Variants in ATRNL1 observed in about 807,000 individuals in gnomAD.
ATRNL1 encodes the protein attractin-like protein 1.
A neutral mutation model predicts 182.7 loss-of-function variants in ATRNL1; 95 were observed. The ratio of observed to expected loss-of-function variants is 0.52; its 90% CI spans 0.44 to 0.62. ATRNL1 has a LOEUF of 0.62. Ranked by LOEUF, ATRNL1 falls within the 20% of genes least tolerant of loss-of-function variation. The pLI is 0.00. For missense variants in ATRNL1, 1,471 were observed against 1,679.5 expected (o/e 0.88, Z 2.17); for synonymous variants, 576 against 568.3 (o/e 1.01, Z -0.19).
intron 27 of ATRNL1, among the ~76,000 whole-genome samples, chr10:115,836,819 A>T (rs1234853957): frequency 6.6e-6 from 1 of 152,198 alleles, no homozygotes; most frequent in African/African-American, 2.4e-5. Flanking sequence ...ACAACTGAGG[A>T]AACAACCAAG....
intron 27 of ATRNL1, among the ~76,000 whole-genome samples, chr10:115,835,968 G>A (rs782627515): frequency 3.0e-4 from 46 of 152,292 alleles, no homozygotes; most frequent in Admixed American, 5.9e-4. Flanking sequence ...CCCCCACACC[G>A]ATGTTGTTCC....
chr10:115,096,764 C>G, intron 1 of ATRNL1: 2 of 1,267,520 alleles, frequency 1.6e-6, no homozygotes, highest in Non-Finnish European at 2.0e-6. Context: ...GTTCTCTTAG[C>G]ATTGATTCCA....
intron 24 of ATRNL1, among the ~76,000 whole-genome samples, chr10:115,486,326 C>T (rs1849020575): frequency 2.0e-5 from 3 of 152,150 alleles, no homozygotes; most frequent in African/African-American, 4.8e-5. Context: ...ACCACACTGT[C>T]TTCCACAATG....
intron 26 of ATRNL1, among the ~76,000 whole-genome samples, chr10:115,719,404 T>C (rs782497089): frequency 9.9e-5 from 15 of 152,196 alleles, no homozygotes; most frequent in Non-Finnish European, 1.8e-4. Context: ...GGAATATTCA[T>C]CTTCAGTGTT....
chr10:115,206,807 G>A (rs566166009), intron 8 of ATRNL1, among the ~76,000 whole-genome samples: 1 of 152,164 alleles, frequency 6.6e-6, no homozygotes, highest in Non-Finnish European at 1.5e-5. Context: ...ATTTACATTA[G>A]GTATTTCTCC....
At chr10:115,798,118 C>T (rs1214482772) in intron 27 of ATRNL1, among the ~76,000 whole-genome samples, 1 of 152,024 alleles carries the variant, frequency 6.6e-6, no homozygotes, top group African/African-American at 2.4e-5. Flanking sequence ...GGGGTTTCAC[C>T]GTGTTAGCCA....
At chr10:115,453,295 C>A (rs189283646) in intron 21 of ATRNL1, among the ~76,000 whole-genome samples, 35 of 152,064 alleles carry the variant, frequency 2.3e-4, no homozygotes, top group Admixed American at 2.3e-3. Flanking sequence ...AATGGCAGCA[C>A]CAATTTGCAT....
intron 27 of ATRNL1, among the ~76,000 whole-genome samples, chr10:115,764,413 A>G (rs574219610): frequency 8.5e-5 from 13 of 152,270 alleles, no homozygotes; most frequent in African/African-American, 2.2e-4. Context: ...TCATTATAGT[A>G]TCATACAGAG....
At chr10:115,567,014 C>T (rs1854112913) in intron 26 of ATRNL1, among the ~76,000 whole-genome samples, 1 of 152,084 alleles carries the variant, frequency 6.6e-6, no homozygotes, top group South Asian at 2.1e-4. Context: ...AAATGATATA[C>T]CTGTTTGTCC....
intron 19 of ATRNL1, among the ~76,000 whole-genome samples, chr10:115,337,809 A>G (rs1855563774): frequency 6.6e-6 from 1 of 152,082 alleles, no homozygotes; most frequent in African/African-American, 2.4e-5. Flanking sequence ...GCAGTCCCCA[A>G]CATTTTTGGC....
intron 28 of ATRNL1, among the ~76,000 whole-genome samples, chr10:115,892,450 T>G (rs1381296384): frequency 6.6e-6 from 1 of 152,186 alleles, no homozygotes; most frequent in Admixed American, 6.5e-5. Flanking sequence ...ATATATATAG[T>G]TACTCTTAAA....
At chr10:115,139,172 A>G (rs560854448) in intron 5 of ATRNL1, among the ~76,000 whole-genome samples, 1 of 152,322 alleles carries the variant, frequency 6.6e-6, no homozygotes, top group South Asian at 2.1e-4. Context: ...CATTTTTGTC[A>G]AAGTCATTCG....
chr10:115,860,001 T>C (rs1466804778), intron 28 of ATRNL1, among the ~76,000 whole-genome samples: 1 of 152,176 alleles, frequency 6.6e-6, no homozygotes, highest in Non-Finnish European at 1.5e-5. Flanking sequence ...GCATAGCCCA[T>C]GCAAGTTGAG....
intron 26 of ATRNL1, among the ~76,000 whole-genome samples, chr10:115,709,035 AG>A (rs1350270211): frequency 1.3e-5 from 2 of 151,866 alleles, no homozygotes. Context: ...TGGCATCAGT[AG>A]ACTGAATAAT....
intron 19 of ATRNL1, 67 bp from the exon 20 acceptor site, chr10:115,394,592 C>T (rs1844195225): frequency 4.9e-6 from 6 of 1,223,994 alleles, no homozygotes; most frequent in South Asian, 2.4e-5. Context: ...AATAATAATA[C>T]TTGAAATGTG....
chr10:115,242,566 A>C (rs143192585), intron 10 of ATRNL1, among the ~76,000 whole-genome samples: 6 of 152,148 alleles, frequency 3.9e-5, no homozygotes, highest in Non-Finnish European at 2.9e-5. Flanking sequence ...CATTTTTATA[A>C]GTAAAATAAA....
intron 26 of ATRNL1, among the ~76,000 whole-genome samples, chr10:115,670,327 T>C (rs1945655392): frequency 6.6e-6 from 1 of 152,154 alleles, no homozygotes; most frequent in African/African-American, 2.4e-5. Flanking sequence ...TGAAAGCACA[T>C]TTGCTCATTT....
At chr10:115,910,012 G>C (rs1952625476) in intron 28 of ATRNL1, among the ~76,000 whole-genome samples, 1 of 152,162 alleles carries the variant, frequency 6.6e-6, no homozygotes, top group Non-Finnish European at 1.5e-5. Context: ...AGGAGTGGAG[G>C]AGGAGAAGAC....
At position 115,301,892 on chromosome 10, in the gene ATRNL1, A is replaced by G; in HGVS notation, c.2667A>G (p.Pro889=). ...AAAATGCGAGGCCGTGCAAAAAGCCATGCTCTCTGAGGACATCATGTTCCA... is the reference window on the plus strand; with the variant it reads ...AAAATGCGAGGCCGTGCAAAAAGCCGTGCTCTCTGAGGACATCATGTTCCA... ...PNQNARPCKK[P]CSLRTSCSNC... is the part of the protein sequence containing the mutation. Residue 889 remains proline, a synonymous_variant, in exon 17 of 29, where the codon CCA becomes CCG. Coordinates refer to ENST00000355044, the MANE Select transcript of ATRNL1 (RefSeq NM_207303.4). 6.2e-7 allele frequency: 1 copy of G among 1,611,808 alleles called. No individual in the cohort carries two copies. The highest frequency in any genetic ancestry group is 8.5e-7 in the Non-Finnish European group (1 of 1,179,106).
Sources: gnomAD v4.1 joint callset for allele counts (sites outside exome capture counted in the v4.1 genomes callset) on GRCh38, gnomAD v4.1.1 for gene constraint, MANE v1.5 for transcripts, NCBI Gene and HGNC (gene_info 2026-07-23, HGNC 2026-07-21) for gene names.